Variants in CASZ1 observed in about 807,000 individuals in gnomAD.
The protein encoded by CASZ1 is castor zinc finger 1.
A neutral mutation model predicts 135.2 loss-of-function variants in CASZ1; 28 were observed. The ratio of observed to expected loss-of-function variants is 0.21; its 90% CI spans 0.15 to 0.28. CASZ1 has a LOEUF of 0.28. CASZ1 is among the 10% of genes least tolerant of loss of function. CASZ1 has a pLI of 1.00. For missense variants in CASZ1, 2,161 were observed against 2,453.3 expected (o/e 0.88, Z 2.52); for synonymous variants, 1,068 against 1,073.4 (o/e 0.99, Z 0.10).
In CASZ1 at chr1:10,762,622, T is replaced by G. The variant is rs545147321; in HGVS notation, c.-233-1765A>C. On this transcript the variant is annotated intron_variant, in intron 1 of 20. Coordinates refer to ENST00000377022, the MANE Select transcript of CASZ1 (RefSeq NM_001079843.3). This position sits in a 1 kb window ranked among gnomAD's most constrained non-coding sequence, Gnocchi z 4.1. ...CACTCCTACTCCAAGAATCTCCATC[T>G]GCTGGGGGTCTCCACTCCAATATCC... 6.6e-6 allele frequency among the ~76,000 whole-genome samples: 1 copy of G among 152,152 alleles called. No homozygotes were observed. The highest frequency in any genetic ancestry group is 1.5e-5 in the Non-Finnish European group (1 of 68,036).
At chr1:10,693,757 A>ACCCAACC in intron 4 of CASZ1, 117 bp downstream of exon 4, 1 of 496,408 alleles carries the variant, frequency 2.0e-6, no homozygotes, top group Non-Finnish European at 4.0e-6. Context: ...CAGCCGCCCG[A>ACCCAACC]CCCTCCCGGC....
chr1:10,688,369 G>T (rs1490359568), intron 4 of CASZ1, among the ~76,000 whole-genome samples: 1 of 152,216 alleles, frequency 6.6e-6, no homozygotes, highest in Non-Finnish European at 1.5e-5. Flanking sequence ...GAGCTGGGTG[G>T]CCTGGATGAA....
intron 4 of CASZ1, among the ~76,000 whole-genome samples, chr1:10,681,474 C>T (rs149701326): frequency 6.6e-6 from 1 of 150,890 alleles, no homozygotes; most frequent in Non-Finnish European, 1.5e-5. Context: ...GCCCGGCCAC[C>T]CCTCCTCCTA....
At chr1:10,753,552 C>T (rs189762230) in intron 2 of CASZ1, among the ~76,000 whole-genome samples, 2 of 152,306 alleles carry the variant, frequency 1.3e-5, no homozygotes, top group Admixed American at 6.5e-5. Flanking sequence ...TTAGCTAAAG[C>T]GGATCGGTCC....
In CASZ1 at chr1:10,639,160, C is replaced by T. The variant is rs937593500; in HGVS notation, c.5062G>A (p.Glu1688Lys). The T allele has an allele frequency of 1.9e-6, 2 of 1,068,610 alleles. No homozygotes were observed. Among genetic ancestry groups the T allele is most frequent in the East Asian group, 7.4e-5 (1 of 13,596 alleles). The allele number at this position is 1,068,610 out of a possible 1,614,324, so 66.2% of individuals were successfully genotyped here. Reference protein sequence around the residue: ...EEEELELPEEEAEDDEDEDDD... With the variant: ...EEEELELPEEKAEDDEDEDDD... The stretch of plus-strand genomic sequence containing the variant: ...TCCTCGTCCTCGTCGTCTTCGGCCT[C>T]CTCCTCCGGCAGCTCCAGCTCCTCC... Residue 1688 changes from glutamate to lysine, a missense_variant, in exon 21 of 21, where the codon GAG becomes AAG. Transcript: ENST00000377022. The surrounding 1 kb of genome is among the most constrained non-coding windows in gnomAD (Gnocchi z 4.0).
At chr1:10,744,818 T>G (rs1229575884) in intron 2 of CASZ1, among the ~76,000 whole-genome samples, 1 of 152,092 alleles carries the variant, frequency 6.6e-6, no homozygotes, top group African/African-American at 2.4e-5. Flanking sequence ...AGCTCTTATT[T>G]AAAGAGCTGC....
intron 2 of CASZ1, among the ~76,000 whole-genome samples, chr1:10,751,642 G>A (rs542658823): frequency 4.6e-5 from 7 of 152,322 alleles, no homozygotes; most frequent in East Asian, 3.9e-4. Flanking sequence ...CCAAACCACC[G>A]GGCAGGCTGG....
At chr1:10,746,400 C>A (rs1570552702) in intron 2 of CASZ1, among the ~76,000 whole-genome samples, 1 of 152,230 alleles carries the variant, frequency 6.6e-6, no homozygotes, top group Admixed American at 6.5e-5. Flanking sequence ...CAACCACAGG[C>A]TGTAAACGGC....
chr1:10,695,950 C>G (rs1271742637), intron 3 of CASZ1, among the ~76,000 whole-genome samples: 3 of 152,114 alleles, frequency 2.0e-5, no homozygotes, highest in Admixed American at 6.5e-5. Context: ...CCTCTCCCAG[C>G]GCTCCTCTTT....
Position 10,700,164 on chromosome 1 carries a change from G to GGCCCAGCCTGTGGCCCCA in CASZ1, c.-24+5310_-24+5327dup, listed in dbSNP as rs1553133729. 6.6e-6 allele frequency among the ~76,000 whole-genome samples: 1 copy of GGCCCAGCCTGTGGCCCCA among 151,514 alleles called. No individual in the cohort carries two copies. The highest frequency in any genetic ancestry group is 1.5e-5 in the Non-Finnish European group (1 of 67,938). On this transcript the variant is annotated intron_variant, in intron 3 of 20. Transcript: ENST00000377022. The surrounding 1 kb of genome is among the most constrained non-coding windows in gnomAD (Gnocchi z 4.2). Reference sequence around the variant, plus strand: ...GCTAGTTGGGTTGCCCTGTGGGCCTGGCCCAGCCTGTGGCCCCAGCCCGGG... The same window carrying GGCCCAGCCTGTGGCCCCA: ...GCTAGTTGGGTTGCCCTGTGGGCCTGGCCCAGCCTGTGGCCCCAGCCCAGCCTGTGGCCCCAGCCCGGG...
intron 4 of CASZ1, among the ~76,000 whole-genome samples, chr1:10,680,935 C>A (rs1296749904): frequency 6.6e-6 from 1 of 152,214 alleles, no homozygotes; most frequent in Non-Finnish European, 1.5e-5. Flanking sequence ...GGGTCTTACT[C>A]TGTCGCCCAG....
rs547309034 is a variant in CASZ1, at chr1:10,686,988, A to G, written c.16+6886T>C. The stretch of plus-strand genomic sequence containing the variant: ...TGGGTTCCCAGGCTGAAGGGGTGAC[A>G]GACAGGGAGGCACTGGGCTAGAGGG... On this transcript the variant is annotated intron_variant, in intron 4 of 20. Transcript: ENST00000377022. 1.5e-3 allele frequency among the ~76,000 whole-genome samples: 224 copies of G among 152,314 alleles called. 2 individuals carry two copies. Among genetic ancestry groups the G allele is most frequent in the African/African-American group, 5.3e-3 (220 of 41,574 alleles).
chr1:10,711,847 T>C lies in CASZ1; in HGVS notation c.-76-6303A>G, dbSNP rs930289555. 1.3e-5 allele frequency among the ~76,000 whole-genome samples: 2 copies of C among 152,156 alleles called. No homozygotes were observed. Among genetic ancestry groups the C allele is most frequent in the African/African-American group, 4.8e-5 (2 of 41,422 alleles). ...CAGACACAATAGGCCACAAGTTGTATGATTCCATTAATATGGAATATCCGG... is the reference window on the plus strand; with the variant it reads ...CAGACACAATAGGCCACAAGTTGTACGATTCCATTAATATGGAATATCCGG... On this transcript the variant is annotated intron_variant, in intron 2 of 20. Coordinates refer to ENST00000377022, the MANE Select transcript of CASZ1 (RefSeq NM_001079843.3). The surrounding 1 kb of genome is among the most constrained non-coding windows in gnomAD (Gnocchi z 4.4).
At position 10,642,799 on chromosome 1, in the gene CASZ1, G is replaced by A. The variant is rs1642248811; in HGVS notation, c.4162+60C>T. 2.5e-6 allele frequency: 4 copies of A among 1,578,232 alleles called. No homozygotes were observed. In the African/African-American group the frequency reaches 4.0e-5, roughly 16 times the overall value. ...GACCTTCTGTCCCAAGCTGCACCCA[G>A]CGGTGCTGGGCTTTGGGAGTGGGGC... On this transcript the variant is annotated intron_variant, in intron 20 of 20. Transcript: ENST00000377022.
chr1:10,639,243 C>G lies in CASZ1; in HGVS notation c.4979G>C (p.Arg1660Pro). 2.2e-6 allele frequency: 2 copies of G among 927,232 alleles called. No individual in the cohort carries two copies. Among genetic ancestry groups the G allele is most frequent in the Non-Finnish European group, 2.6e-6 (2 of 778,332 alleles). 57.4% of individuals were successfully genotyped at this position (927,232 alleles called of 1,614,324 possible). Residue 1660 changes from arginine to proline, a missense_variant, in exon 21 of 21, where the codon CGC (arginine) becomes CCC (proline). Arg to Pro is a moderately radical substitution (Grantham distance 103). Around this residue, in one of 7 missense-constraint regions of CASZ1, gnomAD observed 185 missense variants for 134.7 expected, o/e 1.37. Transcript: ENST00000377022. This position sits in a 1 kb window ranked among gnomAD's most constrained non-coding sequence, Gnocchi z 4.0. ...GPPDAAAPGP[R>P]EGAAAAAAAA... ...GGCGGCGGCGGCGGCGGCGCCCTCG[C>G]GCGGCCCGGGGGCGGCGGCGTCGGG...
chr1:10,667,984 G>T (rs1208823183), intron 4 of CASZ1, among the ~76,000 whole-genome samples: 1 of 152,088 alleles, frequency 6.6e-6, no homozygotes, highest in East Asian at 1.9e-4. Flanking sequence ...GACTCCCCCG[G>T]CACCTGCCCT....
rs767530862 is a variant in CASZ1 at position 10,719,712 on chromosome 1, C to T, written c.-76-14168G>A. The stretch of plus-strand genomic sequence containing the variant: ...GAAGCCCGTGGGTCCCAGAGCCTGG[C>T]ACAGTGAGAGAAGAGGCAGCAGGGT... On this transcript the variant is annotated intron_variant, in intron 2 of 20. Transcript: ENST00000377022. The surrounding 1 kb of genome is among the most constrained non-coding windows in gnomAD (Gnocchi z 4.0). 6.6e-6 allele frequency among the ~76,000 whole-genome samples: 1 copy of T among 152,314 alleles called. No homozygotes were observed. Among genetic ancestry groups the T allele is most frequent in the African/African-American group, 2.4e-5 (1 of 41,572 alleles).
chr1:10,779,275 T>C lies in CASZ1; in HGVS notation c.-234+17289A>G, dbSNP rs567001153. The stretch of plus-strand genomic sequence containing the variant: ...GAAAGTACAAACTATCTCATAATTT[T>C]ATAATTTTTTTTTTTTTTTTTTTTT... On this transcript the variant is annotated intron_variant, in intron 1 of 20. Coordinates refer to ENST00000377022, the MANE Select transcript of CASZ1 (RefSeq NM_001079843.3). Among the ~76,000 whole-genome samples, 556 of 140,942 alleles carry C rather than the reference T, an allele frequency of 3.9e-3. 3 individuals carry two copies. The highest frequency in any genetic ancestry group is 0.015 in the African/African-American group (535 of 35,336). 92.5% of individuals were successfully genotyped at this position (140,942 alleles called of 152,430 possible).
chr1:10,788,956 C>G lies in CASZ1; in HGVS notation c.-234+7608G>C, dbSNP rs1640906637. Among the ~76,000 whole-genome samples, 1 of 152,202 alleles carries G rather than the reference C, an allele frequency of 6.6e-6. No homozygotes were observed. The highest frequency in any genetic ancestry group is 6.5e-5 in the Admixed American group (1 of 15,282). On this transcript the variant is annotated intron_variant, in intron 1 of 20. Coordinates refer to ENST00000377022, the MANE Select transcript of CASZ1 (RefSeq NM_001079843.3). The surrounding 1 kb of genome is among the most constrained non-coding windows in gnomAD (Gnocchi z 4.1). ...CCTAGTGTCCAGAGCTGAGCTCTAGCCACCACTCTGTCCCTCCTGCTTCTC... is the reference window on the plus strand; with the variant it reads ...CCTAGTGTCCAGAGCTGAGCTCTAGGCACCACTCTGTCCCTCCTGCTTCTC...
Sources: gnomAD v4.1 joint callset for allele counts (sites outside exome capture counted in the v4.1 genomes callset) on GRCh38, gnomAD v4.1.1 for gene constraint, gnomAD v4.1.1 regional missense constraint, Gnocchi (gnomAD v3.1) non-coding constraint, MANE v1.5 for transcripts, NCBI Gene and HGNC (gene_info 2026-07-23, HGNC 2026-07-21) for gene names.